MOCOS: variants seen among roughly 807,000 people sequenced by gnomAD.
MOCOS encodes human molybdenum cofactor sulfurase.
Under a neutral mutation model 83.6 loss-of-function variants are expected in MOCOS, and 86 were observed. The observed-to-expected ratio is 1.03, with a 90% CI of 0.86 to 1.23. MOCOS has a LOEUF of 1.23. Ranked by LOEUF, MOCOS falls within the 50% of genes most tolerant of loss-of-function variation. The pLI, the probability that MOCOS is intolerant of heterozygous loss-of-function variation, is 0.00. For missense variants in MOCOS, 1,120 were observed against 1,126.9 expected, an observed-to-expected ratio of 0.99 and a Z score of 0.09; for synonymous variants, 445 against 434.7, an observed-to-expected ratio of 1.02 and a Z score of -0.29.
Position 36,215,823 on chromosome 18 carries a change from T to G in MOCOS, c.1643T>G (p.Val548Gly). The G allele has an allele frequency of 6.2e-7, 1 of 1,614,176 alleles. No individual in the cohort carries two copies. The highest frequency in any genetic ancestry group is 8.5e-7 in the Non-Finnish European group (1 of 1,180,032). ...GSRVWNNSST[V>G]NAVPVAPPVC... ...AGGGTTTGGAACAACTCGTCTACTG[T>G]GAATGCTGTGCCTGTGGCCCCACCT... Residue 548 changes from valine (V) to glycine (G), a missense_variant, in exon 8 of 15, where the codon GTG becomes GGG. Physicochemically the swap from Val to Gly is moderately radical, Grantham distance 109. Coordinates refer to ENST00000261326, the MANE Select transcript of MOCOS (RefSeq NM_017947.4).
Position 36,235,271 on chromosome 18 carries a change from A to G in MOCOS, c.1961-13651A>G, listed in dbSNP as rs2091553740. On this transcript the variant is annotated intron_variant, in intron 9 of 14. Coordinates refer to ENST00000261326, the MANE Select transcript of MOCOS (RefSeq NM_017947.4). The stretch of plus-strand genomic sequence containing the variant: ...AGCATTAGGTATATCTCCCAATGCT[A>G]TCCCTCCCCCCTCCCCCCACCCACA... Among the ~76,000 whole-genome samples the G allele has an allele frequency of 6.8e-5, 8 of 117,732 alleles. No individual in the cohort carries two copies. In the South Asian group the frequency reaches 3.1e-3, roughly 45 times the overall value. 77.2% of individuals were successfully genotyped at this position (117,732 alleles called of 152,430 possible).
intron 14 of MOCOS, 45 bp downstream of exon 14, chr18:36,266,898 G>A (rs1471865050): frequency 2.1e-6 from 3 of 1,439,034 alleles, no homozygotes; most frequent in Non-Finnish European, 2.9e-6. Context: ...CAATCCTGGT[G>A]TTATCAATAC....
chr18:36,233,816 G>T (rs2091547596), intron 9 of MOCOS, among the ~76,000 whole-genome samples: 1 of 152,128 alleles, frequency 6.6e-6, no homozygotes, highest in South Asian at 2.1e-4. Context: ...CATGTTTGTT[G>T]GCCATTTGTA....
intron 3 of MOCOS, 87 bp downstream of exon 3, chr18:36,198,843 T>C (rs776225728): frequency 4.0e-5 from 58 of 1,440,490 alleles, no homozygotes; most frequent in Admixed American, 2.2e-4. Flanking sequence ...ACAAAAGTTC[T>C]GAGTTGGTTT....
chr18:36,217,653 C>A (rs1598879014), intron 8 of MOCOS, among the ~76,000 whole-genome samples: 1 of 152,238 alleles, frequency 6.6e-6, no homozygotes. Context: ...AGGGCAGGAG[C>A]AGGAAGCCAG....
chr18:36,234,691 G>T (rs902412366), intron 9 of MOCOS, among the ~76,000 whole-genome samples: 6 of 151,988 alleles, frequency 3.9e-5, no homozygotes, highest in Non-Finnish European at 5.9e-5. Flanking sequence ...TGTTGTGTTA[G>T]CCTGTTTTCA....
chr18:36,255,786 C>T (rs1209479276), intron 11 of MOCOS, among the ~76,000 whole-genome samples: 3 of 152,028 alleles, frequency 2.0e-5, no homozygotes, highest in Admixed American at 6.6e-5. Context: ...ATAGTGATGC[C>T]GGGCCTGCCA....
intron 13 of MOCOS, among the ~76,000 whole-genome samples, chr18:36,260,738 T>A (rs2091661150): frequency 1.3e-5 from 2 of 151,836 alleles, no homozygotes; most frequent in South Asian, 4.1e-4. Flanking sequence ...AGGCGAAAGG[T>A]CTTAGGCTAA....
intron 11 of MOCOS, among the ~76,000 whole-genome samples, chr18:36,254,535 GAAC>G (rs1165138330): frequency 2.0e-5 from 3 of 149,520 alleles, no homozygotes; most frequent in Non-Finnish European, 4.4e-5. Flanking sequence ...GAGAGAGAGA[GAAC>G]AAACTGTCCT....
At position 36,215,708 on chromosome 18, in the gene MOCOS, G is replaced by T; in HGVS notation, c.1528G>T (p.Ala510Ser). The T allele has an allele frequency of 6.2e-7, 1 of 1,614,170 alleles. No individual in the cohort carries two copies. The highest frequency in any genetic ancestry group is 8.5e-7 in the Non-Finnish European group (1 of 1,180,038). ...CCATGCTGACACCGGGGAGACTGGA[G>T]CCCCATCAGCAGACAGCCAGGCTGA... ...QAHADTGETG[A>S]PSADSQADVI... Residue 510 changes from alanine to serine, a missense_variant, in exon 8 of 15, where the codon GCC becomes TCC. Coordinates refer to ENST00000261326, the MANE Select transcript of MOCOS (RefSeq NM_017947.4).
intron 9 of MOCOS, among the ~76,000 whole-genome samples, chr18:36,240,510 G>T (rs998865341): frequency 2.0e-5 from 3 of 149,992 alleles, no homozygotes; most frequent in East Asian, 2.0e-4. Context: ...CTCCAGCTGC[G>T]TGCTGGGAGA....
chr18:36,266,681 C>G (rs1181175774), intron 13 of MOCOS, 68 bp from the exon 14 acceptor site: 2 of 1,349,920 alleles, frequency 1.5e-6, no homozygotes, highest in African/African-American at 2.9e-5. Context: ...CTGTGTGATT[C>G]CTCCCTCTGA....
intron 9 of MOCOS, among the ~76,000 whole-genome samples, chr18:36,236,382 A>C: frequency 8.5e-6 from 1 of 117,336 alleles, no homozygotes; most frequent in Non-Finnish European, 1.8e-5. Context: ...CATTTATTAA[A>C]TAGAGAATCC....
rs2091346791 is a variant in MOCOS at position 36,187,686 on chromosome 18, G to C, written c.142+5G>C. ...GCGAGTTCAGCCGCCTGGCAGGTGA[G>C]GCGGGCGGGCAGGCTTGGGGGACAC... On this transcript the variant is annotated splice_donor_5th_base_variant and intron_variant, in intron 1 of 14. Coordinates refer to ENST00000261326, the MANE Select transcript of MOCOS (RefSeq NM_017947.4). The C allele has an allele frequency of 4.0e-6, 5 of 1,265,288 alleles. No homozygotes were observed. The East Asian group carries it at 1.5e-4, about 37-fold the overall frequency. The allele number at this position is 1,265,288 out of a possible 1,614,324, so 78.4% of individuals were successfully genotyped here. A position where few individuals can be genotyped will look rare whatever the true frequency, so the allele number is the denominator to read the frequency against.
chr18:36,255,985 T>A (rs1259140391), intron 11 of MOCOS, among the ~76,000 whole-genome samples: 1 of 146,790 alleles, frequency 6.8e-6, no homozygotes, highest in East Asian at 2.1e-4. Flanking sequence ...CTTCATCTCC[T>A]GAGTTCAAGA....
chr18:36,189,972 G>A (rs975905831), intron 1 of MOCOS: 9 of 152,216 alleles, frequency 5.9e-5, no homozygotes, highest in Admixed American at 4.6e-4. Context: ...CTTGGATTTT[G>A]TACTGTTAAC....
intron 14 of MOCOS, 47 bp from the exon 15 acceptor site, chr18:36,268,486 C>T: frequency 6.2e-7 from 1 of 1,611,410 alleles, no homozygotes; most frequent in Non-Finnish European, 8.5e-7. Flanking sequence ...ATTTTAATTG[C>T]TAAAATAATC....
At chr18:36,237,406 G>T (rs368963071) in intron 9 of MOCOS, among the ~76,000 whole-genome samples, 49 of 152,276 alleles carry the variant, frequency 3.2e-4, no homozygotes, top group Non-Finnish European at 5.0e-4. Context: ...GTTTTTGTCT[G>T]TGGCTCTGTT....
At chr18:36,242,638 G>T (rs2091588181) in intron 9 of MOCOS, among the ~76,000 whole-genome samples, 2 of 152,216 alleles carry the variant, frequency 1.3e-5, no homozygotes, top group African/African-American at 4.8e-5. Flanking sequence ...TTGACTCACA[G>T]TTCCACATGG....
Sources: gnomAD v4.1 joint callset for allele counts (sites outside exome capture counted in the v4.1 genomes callset) on GRCh38, gnomAD v4.1.1 for gene constraint, MANE v1.5 for transcripts, NCBI Gene and HGNC (gene_info 2026-07-23, HGNC 2026-07-21) for gene names.